The following PLCB1 variants were observed in gnomAD, a reference collection of about 807,000 sequenced individuals.
PLCB1 encodes phospholipase C beta 1.
A neutral mutation model predicts 161.8 loss-of-function variants in PLCB1; 46 were observed. That is an observed-to-expected ratio of 0.28 (90% CI 0.22 to 0.36). PLCB1 has a LOEUF of 0.36. Among genes scored for constraint, PLCB1 ranks in the 10% least tolerant of loss-of-function variants. The probability of loss-of-function intolerance (pLI) is 1.00; values close to 1 mark genes in which losing one functional copy is unlikely to be tolerated. For missense variants in PLCB1, 1,016 were observed against 1,472.5 expected (o/e 0.69, Z 5.07); for synonymous variants, 517 against 503.7 (o/e 1.03, Z -0.35).
intron 31 of PLCB1, among the ~76,000 whole-genome samples, chr20:8,874,255 C>CACACAT (rs1555796778): frequency 1.2e-4 from 8 of 69,182 alleles, no homozygotes; most frequent in Middle Eastern, 0.014. Context: ...CACACACACA[C>CACACAT]GCACAACAGA....
chr20:8,718,907 T>A (rs541490471), intron 14 of PLCB1, among the ~76,000 whole-genome samples: 2 of 152,328 alleles, frequency 1.3e-5, no homozygotes, highest in African/African-American at 4.8e-5. Flanking sequence ...TTTCATGTTT[T>A]AAAGAACTTT....
intron 23 of PLCB1, among the ~76,000 whole-genome samples, chr20:8,756,814 C>T (rs1369931670): frequency 4.6e-5 from 7 of 152,156 alleles, no homozygotes; most frequent in African/African-American, 7.2e-5. Context: ...GCACCACCAA[C>T]GGGCATAGAC....
At chr20:8,669,768 G>C (rs1234882907) in intron 9 of PLCB1, among the ~76,000 whole-genome samples, 7 of 152,104 alleles carry the variant, frequency 4.6e-5, no homozygotes, top group African/African-American at 1.7e-4. Flanking sequence ...GAGGCACTTA[G>C]GGCACTAAAA....
At chr20:8,297,215 CTA>C in intron 2 of PLCB1, among the ~76,000 whole-genome samples, 1 of 151,934 alleles carries the variant, frequency 6.6e-6, no homozygotes, top group Middle Eastern at 3.4e-3. Flanking sequence ...GCATGTATAT[CTA>C]TATGTGTATA....
chr20:8,456,100 A>G (rs1467629051), intron 3 of PLCB1, among the ~76,000 whole-genome samples: 1 of 152,246 alleles, frequency 6.6e-6, no homozygotes, highest in African/African-American at 2.4e-5. Context: ...GGAACATATT[A>G]TGAATGATCT....
intron 25 of PLCB1, among the ~76,000 whole-genome samples, chr20:8,763,105 C>T (rs1003070186): frequency 6.6e-6 from 1 of 152,160 alleles, no homozygotes; most frequent in Non-Finnish European, 1.5e-5. Context: ...AACCATCATA[C>T]CCCACCAACC....
chr20:8,849,579 G>A (rs552806042), intron 31 of PLCB1, among the ~76,000 whole-genome samples: 33 of 152,246 alleles, frequency 2.2e-4, no homozygotes, highest in Non-Finnish European at 4.7e-4. Context: ...GGGAGGCTGA[G>A]GCTGGAGAAT....
At chr20:8,639,117 G>C (rs1372721877) in intron 4 of PLCB1, among the ~76,000 whole-genome samples, 1 of 152,194 alleles carries the variant, frequency 6.6e-6, no homozygotes, top group Non-Finnish European at 1.5e-5. Context: ...AAAGTTTGAA[G>C]ATATGTTGCA....
intron 2 of PLCB1, among the ~76,000 whole-genome samples, chr20:8,166,441 T>C (rs1334765160): frequency 2.0e-5 from 3 of 152,180 alleles, no homozygotes; most frequent in Non-Finnish European, 2.9e-5. Flanking sequence ...TCCAGCCACA[T>C]GTTCGCAATC....
chr20:8,313,281 T>G (rs1481340434), intron 2 of PLCB1, among the ~76,000 whole-genome samples: 1 of 152,206 alleles, frequency 6.6e-6, no homozygotes, highest in East Asian at 1.9e-4. Flanking sequence ...GCAGTTCTTC[T>G]GGTTCTGGCT....
chr20:8,503,465 G>A (rs1479006939), intron 3 of PLCB1, among the ~76,000 whole-genome samples: 1 of 152,040 alleles, frequency 6.6e-6, no homozygotes, highest in Non-Finnish European at 1.5e-5. Context: ...CTTACTTGCA[G>A]GGTTAGGAGA....
At chr20:8,452,989 C>T (rs1195511914) in intron 3 of PLCB1, among the ~76,000 whole-genome samples, 1 of 152,186 alleles carries the variant, frequency 6.6e-6, no homozygotes, top group African/African-American at 2.4e-5. Flanking sequence ...AGAATTTCTC[C>T]TCTATTTATT....
chr20:8,380,340 G>A (rs777973254), intron 3 of PLCB1, among the ~76,000 whole-genome samples: 1 of 152,130 alleles, frequency 6.6e-6, no homozygotes, highest in Non-Finnish European at 1.5e-5. Context: ...ACCTGTTTCG[G>A]TTACTGTAGT....
At chr20:8,235,962 G>A (rs924327382) in intron 2 of PLCB1, among the ~76,000 whole-genome samples, 2 of 151,972 alleles carry the variant, frequency 1.3e-5, no homozygotes, top group African/African-American at 4.8e-5. Context: ...ATAAGTAGAA[G>A]CACTATATTT....
intron 19 of PLCB1, among the ~76,000 whole-genome samples, chr20:8,736,044 C>T (rs950506754): frequency 6.6e-6 from 1 of 152,134 alleles, no homozygotes. Flanking sequence ...AGATTGTGAG[C>T]CCAGCCATAA....
chr20:8,581,933 G>C (rs753442169), intron 3 of PLCB1, among the ~76,000 whole-genome samples: 5 of 152,158 alleles, frequency 3.3e-5, no homozygotes, highest in Non-Finnish European at 7.3e-5. Context: ...ATTCACACCA[G>C]CTCACAAGAG....
At chr20:8,705,812 G>A (rs1306891857) in intron 11 of PLCB1, among the ~76,000 whole-genome samples, 2 of 152,222 alleles carry the variant, frequency 1.3e-5, no homozygotes, top group Non-Finnish European at 2.9e-5. Context: ...TAAAGAAATG[G>A]CAGGTGCCAG....
intron 3 of PLCB1, among the ~76,000 whole-genome samples, chr20:8,620,759 AAAAAAAAAAAG>A (rs1431853723): frequency 6.6e-6 from 1 of 151,048 alleles, no homozygotes. Flanking sequence ...AAAAAAAAAA[AAAAAAAAAAAG>A]AAAAGAAAAG....
intron 24 of PLCB1, among the ~76,000 whole-genome samples, chr20:8,759,174 G>A (rs186913350): frequency 1.1e-4 from 16 of 152,246 alleles, no homozygotes; most frequent in Middle Eastern, 3.4e-3. Flanking sequence ...GGGTTGGTCC[G>A]ATGTTTCCCC....
Sources: gnomAD v4.1 joint callset for allele counts (sites outside exome capture counted in the v4.1 genomes callset) on GRCh38, gnomAD v4.1.1 for gene constraint, MANE v1.5 for transcripts, NCBI Gene and HGNC (gene_info 2026-07-23, HGNC 2026-07-21) for gene names.